The following CREBRF variants were observed in gnomAD, a reference collection of about 807,000 sequenced individuals.
CREBRF encodes UPF0474 protein C5orf41.
Under a neutral mutation model 66.1 loss-of-function variants are expected in CREBRF, and 5 were observed. The observed-to-expected ratio is 0.08, with a 90% CI of 0.04 to 0.16. The LOEUF (loss-of-function observed/expected upper bound fraction) is 0.16. Ranked by LOEUF, CREBRF falls within the 10% of genes least tolerant of loss-of-function variation. The pLI, the probability that CREBRF is intolerant of heterozygous loss-of-function variation, is 1.00. For synonymous variants in CREBRF, 229 were observed against 264.4 expected, an observed-to-expected ratio of 0.87 and a Z score of 1.30; for missense variants, 531 against 744.9, an observed-to-expected ratio of 0.71 and a Z score of 3.34.
chr5:173,080,883 A>G (rs746418269), intron 2 of CREBRF, 99 bp downstream of exon 2: 2 of 1,151,058 alleles, frequency 1.7e-6, no homozygotes, highest in South Asian at 1.4e-5. Context: ...TTTGCATACT[A>G]CCTTTTTGTG....
intron 1 of CREBRF, among the ~76,000 whole-genome samples, chr5:173,072,556 G>T (rs1028253707): frequency 6.6e-6 from 1 of 151,144 alleles, no homozygotes; most frequent in African/African-American, 2.4e-5. Flanking sequence ...GATTACAGGC[G>T]TGAGTCACTG....
chr5:173,090,208 G>T lies in CREBRF; in HGVS notation c.136-107G>T. 1 of 866,432 alleles carries T rather than the reference G, an allele frequency of 1.2e-6. No individual in the cohort carries two copies. The highest frequency in any genetic ancestry group is 1.7e-6 in the Non-Finnish European group (1 of 572,668). 53.7% of individuals were successfully genotyped at this position (866,432 alleles called of 1,614,324 possible). A position where few individuals can be genotyped will look rare whatever the true frequency, so the allele number is the denominator to read the frequency against. Reference sequence around the variant, plus strand: ...AAAGCGTCCTGTCAGTAGCCTTTATGTTAAAACAGACCAAAAGTCAAGTAT... The same window carrying T: ...AAAGCGTCCTGTCAGTAGCCTTTATTTTAAAACAGACCAAAAGTCAAGTAT... On this transcript the variant is annotated intron_variant, in intron 3 of 8. Coordinates refer to ENST00000296953, the MANE Select transcript of CREBRF (RefSeq NM_153607.3). The surrounding 1 kb of genome is among the most constrained non-coding windows in gnomAD (Gnocchi z 4.5).
intron 2 of CREBRF, among the ~76,000 whole-genome samples, chr5:173,082,461 T>C (rs1485326932): frequency 1.3e-5 from 2 of 151,754 alleles, no homozygotes; most frequent in African/African-American, 2.4e-5. Context: ...TAAGATGGGA[T>C]GTACCAATGA....
rs1457879396 is a variant in CREBRF, at chr5:173,138,122, C to T, written c.*4377C>T. ...TGCACAGAACTGCAGTCTTGTTCTT[C>T]CCTTGGATCATGACAAATAAGTCTC... On this transcript the variant is annotated 3_prime_UTR_variant, in exon 9 of 9. Coordinates refer to ENST00000296953, the MANE Select transcript of CREBRF (RefSeq NM_153607.3). 1 of 152,168 alleles carries T rather than the reference C, an allele frequency of 6.6e-6. No individual in the cohort carries two copies. The highest frequency in any genetic ancestry group is 1.9e-4 in the East Asian group (1 of 5,198). 9.4% of individuals were successfully genotyped at this position (152,168 alleles called of 1,614,324 possible). A position where few individuals can be genotyped will look rare whatever the true frequency, so the allele number is the denominator to read the frequency against.
intron 4 of CREBRF, among the ~76,000 whole-genome samples, chr5:173,096,576 AGG>A (rs1758484214): frequency 6.8e-6 from 1 of 146,662 alleles, no homozygotes; most frequent in South Asian, 2.2e-4. Context: ...TTCTCTAGAT[AGG>A]ACTTCCAGTA....
At chr5:173,064,998 T>C (rs1482197530) in intron 1 of CREBRF, among the ~76,000 whole-genome samples, 1 of 152,216 alleles carries the variant, frequency 6.6e-6, no homozygotes, top group Admixed American at 6.5e-5. Flanking sequence ...TGTGAGCCAC[T>C]GTACCTAGCT....
Position 173,100,126 on chromosome 5 carries a change from A to ATATG in CREBRF, c.1223-8495_1223-8494insGTAT, listed in dbSNP as rs1337524014. Among the ~76,000 whole-genome samples, 4 of 79,848 alleles carry ATATG rather than the reference A, an allele frequency of 5.0e-5. No individual in the cohort carries two copies. The East Asian group carries it at 1.7e-3, about 33-fold the overall frequency. 52.4% of individuals were successfully genotyped at this position (79,848 alleles called of 152,430 possible). Reference sequence around the variant, plus strand: ...TGTGTGTGTGTGTGTGTGTATATATATATAATTTTTTTTTTTTTTTTTTTT... The same window carrying ATATG: ...TGTGTGTGTGTGTGTGTGTATATATATATGTATAATTTTTTTTTTTTTTTTTTTT... On this transcript the variant is annotated intron_variant, in intron 4 of 8. Coordinates refer to ENST00000296953, the MANE Select transcript of CREBRF (RefSeq NM_153607.3).
rs774061629 is a variant in CREBRF, at chr5:173,086,560, G to A, written c.69G>A (p.Ser23=). The A allele has an allele frequency of 8.9e-5, 144 of 1,613,624 alleles. No homozygotes were observed. The East Asian group carries it at 2.1e-3, about 24-fold the overall frequency. The change falls in exon 3 of 9, where the codon TCG becomes TCA. Residue 23 remains serine, a synonymous_variant. Coordinates refer to ENST00000296953, the MANE Select transcript of CREBRF (RefSeq NM_153607.3). ...ATGCCTTTCGAAGCCACACCTTTTC[G>A]GAACAAACTCTGATGAGCACAGATC... ...FGDAFRSHTF[S]EQTLMSTDLL... is the part of the protein sequence containing the mutation.
At chr5:173,113,742 T>A (rs1287789398) in intron 7 of CREBRF, among the ~76,000 whole-genome samples, 1 of 152,162 alleles carries the variant, frequency 6.6e-6, no homozygotes, top group African/African-American at 2.4e-5. Flanking sequence ...TCACGGAATA[T>A]AACAAGAGTA....
At chr5:173,116,894 A>G (rs1470106912) in intron 7 of CREBRF, among the ~76,000 whole-genome samples, 1 of 150,816 alleles carries the variant, frequency 6.6e-6, no homozygotes, top group East Asian at 1.9e-4. Flanking sequence ...ACATATGGCA[A>G]GGCCTATATT....
intron 4 of CREBRF, among the ~76,000 whole-genome samples, chr5:173,101,048 T>C (rs1758617519): frequency 6.6e-6 from 1 of 152,106 alleles, no homozygotes; most frequent in Admixed American, 6.6e-5. Context: ...GATATGGTGT[T>C]CTTTGTAGGG....
chr5:173,124,005 T>C (rs1361056623), intron 8 of CREBRF: 1 of 152,218 alleles, frequency 6.6e-6, no homozygotes, highest in Non-Finnish European at 1.5e-5. Context: ...AGCATTTCTT[T>C]CTTTTCTTTC....
rs148844815 is a variant in CREBRF, at chr5:173,070,471, G to GTT, written c.-191-10112_-191-10111dup. On this transcript the variant is annotated intron_variant, in intron 1 of 8. Coordinates refer to ENST00000296953, the MANE Select transcript of CREBRF (RefSeq NM_153607.3). ...AAAATATTTTGTTTTACTATGGTGA[G>GTT]TTTATCTTCCTGCTTTGTAGTTTAA... Among the ~76,000 whole-genome samples, 584 of 152,206 alleles carry GTT rather than the reference G, an allele frequency of 3.8e-3. 9 individuals are homozygous for GTT. Among genetic ancestry groups the GTT allele is most frequent in the East Asian group, 0.031 (159 of 5,186 alleles).
intron 4 of CREBRF, among the ~76,000 whole-genome samples, chr5:173,103,008 G>T (rs929724154): frequency 1.3e-5 from 2 of 152,154 alleles, no homozygotes; most frequent in Admixed American, 6.5e-5. Context: ...ATGGTTAATT[G>T]ATCGCCATTT....
chr5:173,070,639 TA>T (rs954215782), intron 1 of CREBRF, among the ~76,000 whole-genome samples: 1 of 152,092 alleles, frequency 6.6e-6, no homozygotes, highest in African/African-American at 2.4e-5. Flanking sequence ...ATCAGGTCTT[TA>T]AAATGGACTA....
intron 1 of CREBRF, among the ~76,000 whole-genome samples, chr5:173,064,760 C>G (rs1009199220): frequency 6.6e-5 from 10 of 152,096 alleles, no homozygotes; most frequent in African/African-American, 2.4e-4. Context: ...GTCGAGGTTT[C>G]TCCATGTTGG....
chr5:173,091,484 G>A, intron 4 of CREBRF, 83 bp downstream of exon 4: 1 of 1,521,490 alleles, frequency 6.6e-7, no homozygotes, highest in Admixed American at 2.2e-5. Context: ...TGTTTTGTTT[G>A]GATAATTTCT....
chr5:173,056,540 CG>C, intron 1 of CREBRF, 61 bp downstream of exon 1: 1 of 391,844 alleles, frequency 2.6e-6, no homozygotes, highest in Non-Finnish European at 4.5e-6. Flanking sequence ...AAGAGCGGAA[CG>C]GGGGGCGGAG....
chr5:173,056,715 A>C (rs1449632177), intron 1 of CREBRF, among the ~76,000 whole-genome samples: 1 of 151,726 alleles, frequency 6.6e-6, no homozygotes, highest in African/African-American at 2.4e-5. Flanking sequence ...GGACGGTTAC[A>C]TAAAAGCGCG....
Sources: allele counts gnomAD v4.1 joint callset (sites outside exome capture counted in the v4.1 genomes callset), GRCh38; gene constraint gnomAD v4.1.1; non-coding constraint Gnocchi (gnomAD v3.1); transcripts MANE v1.5; gene names NCBI Gene and HGNC (gene_info 2026-07-23, HGNC 2026-07-21).